Variants in PLAA observed in about 807,000 individuals in gnomAD.
PLAA encodes the protein phospholipase A-2-activating protein.
PLAA carries 48 observed loss-of-function variants against 84.1 expected under a neutral mutation model. That is an observed-to-expected ratio of 0.57 (90% CI 0.45 to 0.73). The LOEUF is 0.73. Ranked by LOEUF, PLAA falls within the 30% of genes least tolerant of loss-of-function variation. The pLI is 0.00. For synonymous variants in PLAA, 392 were observed against 336.6 expected (o/e 1.16, Z -1.80); for missense variants, 903 against 954.7 (o/e 0.95, Z 0.71).
intron 10 of PLAA, 151 bp downstream of exon 10, chr9:26,916,946 A>T: frequency 1.5e-6 from 1 of 686,084 alleles, no homozygotes; most frequent in Non-Finnish European, 2.4e-6. Context: ...AGCAAAAATC[A>T]GAAGTTAAAG....
chr9:26,912,176 A>C (rs775457276), intron 11 of PLAA, among the ~76,000 whole-genome samples: 6 of 152,168 alleles, frequency 3.9e-5, no homozygotes, highest in Non-Finnish European at 7.3e-5. Flanking sequence ...ATACTGTATT[A>C]CAAAATTAAA....
At chr9:26,945,653 T>C (rs1825672787) in intron 1 of PLAA, among the ~76,000 whole-genome samples, 1 of 152,204 alleles carries the variant, frequency 6.6e-6, no homozygotes, top group Admixed American at 6.5e-5. Flanking sequence ...TCAGATCATG[T>C]TGCTCCCTGC....
intron 1 of PLAA, among the ~76,000 whole-genome samples, chr9:26,938,382 T>A (rs1306982793): frequency 6.6e-6 from 1 of 151,904 alleles, no homozygotes. Context: ...AAACCCCATC[T>A]TGAAAAATTT....
At chr9:26,940,251 A>G (rs1204632614) in intron 1 of PLAA, among the ~76,000 whole-genome samples, 1 of 152,256 alleles carries the variant, frequency 6.6e-6, no homozygotes, top group African/African-American at 2.4e-5. Flanking sequence ...ATGTGGCATC[A>G]ACCTAAGTGT....
intron 1 of PLAA, among the ~76,000 whole-genome samples, chr9:26,945,789 C>T (rs1418250249): frequency 2.6e-5 from 4 of 152,174 alleles, no homozygotes; most frequent in African/African-American, 9.7e-5. Flanking sequence ...AATGCTCTTC[C>T]AATTCAATCC....
intron 12 of PLAA, among the ~76,000 whole-genome samples, chr9:26,909,618 T>C (rs1824337357): frequency 1.6e-5 from 2 of 121,752 alleles, no homozygotes; most frequent in Non-Finnish European, 3.5e-5. Context: ...GATTAATTTC[T>C]TTTTTTTTTT....
chr9:26,941,537 T>C (rs773010484), intron 1 of PLAA, among the ~76,000 whole-genome samples: 3 of 152,084 alleles, frequency 2.0e-5, no homozygotes, highest in Non-Finnish European at 4.4e-5. Flanking sequence ...CAATAAAGAT[T>C]ACCAGACATC....
At chr9:26,909,882 C>G (rs1824347758) in intron 12 of PLAA, among the ~76,000 whole-genome samples, 1 of 152,156 alleles carries the variant, frequency 6.6e-6, no homozygotes, top group African/African-American at 2.4e-5. Flanking sequence ...CCTTGGCCTC[C>G]CAAAGTGCTG....
At position 26,906,093 on chromosome 9, in the gene PLAA, G is replaced by T. The variant is rs750356765; in HGVS notation, c.1823-17C>A. On this transcript the variant is annotated splice_polypyrimidine_tract_variant and intron_variant, in intron 13 of 13. Transcript: ENST00000397292. Reference sequence around the variant, plus strand: ...AGACAATATCTATTAAAAAAAAAAAGTCATTAATGCTTATGAAAATAAAGA... The same window carrying T: ...AGACAATATCTATTAAAAAAAAAAATTCATTAATGCTTATGAAAATAAAGA... 7.5e-7 allele frequency: 1 copy of T among 1,339,856 alleles called. No individual in the cohort carries two copies. The highest frequency in any genetic ancestry group is 2.6e-5 in the Admixed American group (1 of 39,164). 83.0% of individuals were successfully genotyped at this position (1,339,856 alleles called of 1,614,324 possible).
intron 2 of PLAA, among the ~76,000 whole-genome samples, chr9:26,930,234 G>A (rs1341588877): frequency 3.3e-5 from 5 of 151,364 alleles, no homozygotes; most frequent in African/African-American, 9.7e-5. Context: ...CCTCCCGAGT[G>A]GCTGGGACCA....
chr9:26,918,302 T>C (rs997744876), intron 9 of PLAA, among the ~76,000 whole-genome samples: 15 of 149,426 alleles, frequency 1.0e-4, no homozygotes, highest in Non-Finnish European at 1.3e-4. Context: ...TTTTTTTTTT[T>C]TTTTTTTAGT....
chr9:26,932,728 C>T (rs1825226031), intron 2 of PLAA, among the ~76,000 whole-genome samples: 2 of 152,178 alleles, frequency 1.3e-5, no homozygotes, highest in Non-Finnish European at 2.9e-5. Context: ...AATAAGATAT[C>T]TCTACTTCTG....
intron 9 of PLAA, 42 bp downstream of exon 9, chr9:26,919,268 A>T (rs1374668306): frequency 8.1e-7 from 1 of 1,241,070 alleles, no homozygotes; most frequent in Non-Finnish European, 1.1e-6. Context: ...ATCAATCAAC[A>T]CTAATGGAAC....
chr9:26,920,767 T>C (rs1587163494), intron 7 of PLAA, among the ~76,000 whole-genome samples: 1 of 152,316 alleles, frequency 6.6e-6, no homozygotes, highest in Admixed American at 6.5e-5. Flanking sequence ...CTCCTTCGGC[T>C]ACTTCTCAGC....
Position 26,907,871 on chromosome 9 carries a change from T to A in PLAA, c.1785A>T (p.Gln595His). The A allele has an allele frequency of 6.2e-7, 1 of 1,611,188 alleles. No homozygotes were observed. Among genetic ancestry groups the A allele is most frequent in the East Asian group, 2.2e-5 (1 of 44,792 alleles). Residue 595 changes from glutamine to histidine, a missense_variant, in exon 13 of 14, where the codon CAA (glutamine) becomes CAT (histidine). By Grantham distance (24) the Gln-to-His change is conservative. Coordinates refer to ENST00000397292, the MANE Select transcript of PLAA (RefSeq NM_001031689.3). Reference sequence around the variant, plus strand: ...TAATAGCTTTCCACAAAATCTGAAGTTGCTGGACTGTGGGTTTTTCTGAAG... The same window carrying A: ...TAATAGCTTTCCACAAAATCTGAAGATGCTGGACTGTGGGTTTTTCTGAAG... Reference protein sequence around the residue: ...NSSSEKPTVQQLQILWKAINC... With the variant: ...NSSSEKPTVQHLQILWKAINC...
At chr9:26,916,829 T>A in intron 10 of PLAA, 1 of 356,542 alleles carries the variant, frequency 2.8e-6, no homozygotes, top group Non-Finnish European at 4.6e-6. Flanking sequence ...CCTATATTCT[T>A]AACTATACTG....
rs1474529654 is a variant in PLAA at position 26,909,698 on chromosome 9, T to C, written c.1657+640A>G. Among the ~76,000 whole-genome samples the C allele has an allele frequency of 2.0e-5, 3 of 151,934 alleles. No homozygotes were observed. The East Asian group carries it at 5.8e-4, about 29-fold the overall frequency. ...TGCAGTGGCGCGATCTCGGGCTCAC[T>C]GCAACTCCTCCACCTCCCAGGTTCA... is the stretch of plus-strand genomic sequence containing the variant. On this transcript the variant is annotated intron_variant, in intron 12 of 13. Coordinates refer to ENST00000397292, the MANE Select transcript of PLAA (RefSeq NM_001031689.3).
chr9:26,913,675 G>A (rs549058687), intron 11 of PLAA, among the ~76,000 whole-genome samples: 7 of 152,060 alleles, frequency 4.6e-5, no homozygotes, highest in Non-Finnish European at 7.4e-5. Flanking sequence ...GCTGAAGTAC[G>A]TTTGCAAAGC....
intron 2 of PLAA, among the ~76,000 whole-genome samples, chr9:26,929,855 T>C (rs1024003586): frequency 3.3e-5 from 5 of 152,184 alleles, no homozygotes; most frequent in African/African-American, 7.2e-5. Context: ...AGCTGAATCG[T>C]TGATGACCAG....
Sources: gnomAD v4.1 joint callset for allele counts (sites outside exome capture counted in the v4.1 genomes callset) on GRCh38, gnomAD v4.1.1 for gene constraint, MANE v1.5 for transcripts, NCBI Gene and HGNC (gene_info 2026-07-23, HGNC 2026-07-21) for gene names.